TLK1: variants seen among roughly 807,000 people sequenced by gnomAD.
TLK1 encodes the protein tousled like kinase 1.
In TLK1, 24 loss-of-function variants were observed where a neutral mutation model predicts 105.3. The ratio of observed to expected loss-of-function variants is 0.23; its 90% CI spans 0.17 to 0.32. TLK1 has a LOEUF of 0.32. Among genes scored for constraint, TLK1 ranks in the 10% least tolerant of loss-of-function variants. TLK1 has a pLI of 1.00. For synonymous variants in TLK1, 321 were observed against 310.4 expected, an observed-to-expected ratio of 1.03 and a Z score of -0.36; for missense variants, 558 against 910.5, an observed-to-expected ratio of 0.61 and a Z score of 4.98.
At chr2:171,198,401 T>C (rs191242589) in intron 1 of TLK1, among the ~76,000 whole-genome samples, 3 of 152,286 alleles carry the variant, frequency 2.0e-5, no homozygotes, top group East Asian at 3.9e-4. Context: ...TATATCTCAA[T>C]TGGAAAAATA....
intron 2 of TLK1, among the ~76,000 whole-genome samples, chr2:171,105,150 A>G (rs1689863831): frequency 6.6e-6 from 1 of 152,226 alleles, no homozygotes; most frequent in East Asian, 1.9e-4. Flanking sequence ...AAAAACAGAC[A>G]AACTATTATC....
At chr2:171,036,660 G>A (rs1686356078) in intron 11 of TLK1, among the ~76,000 whole-genome samples, 1 of 152,222 alleles carries the variant, frequency 6.6e-6, no homozygotes, top group Non-Finnish European at 1.5e-5. Context: ...CCATCGTACT[G>A]TGGGAGGAGG....
chr2:171,156,360 T>C (rs1282972498), intron 1 of TLK1, among the ~76,000 whole-genome samples: 1 of 152,240 alleles, frequency 6.6e-6, no homozygotes, highest in Non-Finnish European at 1.5e-5. Context: ...AAATTCTATT[T>C]ACAACACAGT....
In TLK1 at chr2:171,043,297, A is replaced by G. The variant is rs1024815406; in HGVS notation, c.1169+2877T>C. Among the ~76,000 whole-genome samples the G allele has an allele frequency of 2.6e-5, 4 of 152,188 alleles. No individual in the cohort carries two copies. In the East Asian group the frequency reaches 5.8e-4, roughly 22 times the overall value. The stretch of plus-strand genomic sequence containing the variant: ...AGGAGGAAGCGATAACTACCGTGGG[A>G]CTTAACAGATTAACAGAAATTAAGA... On this transcript the variant is annotated intron_variant, in intron 11 of 20. Coordinates refer to ENST00000431350, the MANE Select transcript of TLK1 (RefSeq NM_012290.5).
intron 1 of TLK1, among the ~76,000 whole-genome samples, chr2:171,229,443 TCCAAC>T (rs1693953450): frequency 6.6e-6 from 1 of 152,198 alleles, no homozygotes; most frequent in Non-Finnish European, 1.5e-5. Flanking sequence ...CCTCAGAGAA[TCCAAC>T]TGTTGCCATT....
chr2:171,067,201 C>A (rs1040833262), intron 3 of TLK1, among the ~76,000 whole-genome samples: 1 of 151,128 alleles, frequency 6.6e-6, no homozygotes, highest in Non-Finnish European at 1.5e-5. Flanking sequence ...ACACTGTCAC[C>A]CAGGCTGGAG....
upstream of TLK1, among the ~76,000 whole-genome samples, chr2:171,164,631 G>C (rs554249612): frequency 6.6e-6 from 1 of 152,202 alleles, no homozygotes; most frequent in Non-Finnish European, 1.5e-5. Context: ...TTTATATTCA[G>C]AAAAAGTTCA....
At chr2:171,033,826 C>T (rs1340945381) in intron 11 of TLK1, among the ~76,000 whole-genome samples, 1 of 147,410 alleles carries the variant, frequency 6.8e-6, no homozygotes, top group Admixed American at 6.7e-5. Flanking sequence ...AAGTAAAAGA[C>T]AACTTACAGA....
intron 11 of TLK1, among the ~76,000 whole-genome samples, chr2:171,042,393 T>C (rs990714331): frequency 6.6e-6 from 1 of 152,030 alleles, no homozygotes; most frequent in African/African-American, 2.4e-5. Flanking sequence ...TACAGGGACA[T>C]GCCACCACAC....
At chr2:171,148,148 C>G (rs1461096069) in intron 1 of TLK1, among the ~76,000 whole-genome samples, 1 of 152,160 alleles carries the variant, frequency 6.6e-6, no homozygotes, top group Non-Finnish European at 1.5e-5. Context: ...CCTCGGCCTC[C>G]CCAAGTGCTG....
chr2:171,005,801 T>C (rs1185183177), intron 18 of TLK1, among the ~76,000 whole-genome samples: 1 of 152,176 alleles, frequency 6.6e-6, no homozygotes, highest in Non-Finnish European at 1.5e-5. Context: ...ATAGTTAAAA[T>C]ATTATATTAA....
At chr2:171,157,022 T>C (rs934294150) in intron 1 of TLK1, among the ~76,000 whole-genome samples, 5 of 152,156 alleles carry the variant, frequency 3.3e-5, no homozygotes, top group Admixed American at 2.6e-4. Context: ...TCCAGGCTGG[T>C]CTTGAACTCC....
chr2:171,188,381 C>A (rs958845327), intron 1 of TLK1, among the ~76,000 whole-genome samples: 1 of 151,788 alleles, frequency 6.6e-6, no homozygotes, highest in Non-Finnish European at 1.5e-5. Flanking sequence ...ACCAGCCTGG[C>A]CAACATGGTG....
In TLK1 at chr2:171,149,243, CAGA is replaced by C. The variant is rs765701713; in HGVS notation, c.139+11044_139+11046del. ...AGGGGCGGGCAGGGAGAAGCAGCAG[CAGA>C]AGAAGAAGAAAAGAAATTAAATAAT... On this transcript the variant is annotated intron_variant, in intron 1 of 20. Coordinates refer to ENST00000431350, the MANE Select transcript of TLK1 (RefSeq NM_012290.5). Among the ~76,000 whole-genome samples, 20 of 150,804 alleles carry C rather than the reference CAGA, an allele frequency of 1.3e-4. No homozygotes were observed. In the South Asian group the frequency reaches 1.5e-3, roughly 11 times the overall value.
At chr2:171,039,509 C>T (rs1401454379) in intron 11 of TLK1, among the ~76,000 whole-genome samples, 3 of 152,172 alleles carry the variant, frequency 2.0e-5, no homozygotes, top group East Asian at 1.9e-4. Flanking sequence ...CCACCCACCT[C>T]GGCCTCCTAA....
chr2:171,006,343 C>G, intron 17 of TLK1, 61 bp from the exon 18 acceptor site: 1 of 1,493,698 alleles, frequency 6.7e-7, no homozygotes, highest in South Asian at 1.4e-5. Flanking sequence ...ACTTTAATAA[C>G]TTTTAATTTT....
At chr2:171,121,949 T>C (rs558203075) in intron 1 of TLK1, among the ~76,000 whole-genome samples, 1 of 152,242 alleles carries the variant, frequency 6.6e-6, no homozygotes, top group Non-Finnish European at 1.5e-5. Flanking sequence ...TAATTACTTT[T>C]TGTTTGTTTG....
chr2:171,049,916 C>G lies in TLK1; in HGVS notation c.878G>C (p.Ser293Thr). 1 of 1,613,756 alleles carries G rather than the reference C, an allele frequency of 6.2e-7. No individual in the cohort carries two copies. Among genetic ancestry groups the G allele is most frequent in the Non-Finnish European group, 8.5e-7 (1 of 1,179,920 alleles). Residue 293 changes from serine to threonine, a missense_variant, in exon 10 of 21, where the codon AGT (serine) becomes ACT (threonine). By Grantham distance (58) the Ser-to-Thr change is moderately conservative (BLOSUM62 1). Around this residue, in one of 5 missense-constraint regions of TLK1, gnomAD observed 196 missense variants for 239.3 expected, o/e 0.82. Transcript: ENST00000431350. ...TQEKLSSREKSMQDRLRLGHF... is the reference protein window; with the variant it reads ...TQEKLSSREKTMQDRLRLGHF... ...CCCGAGGCGTAATCGATCTTGCATACTCTTCTCTCTGCTTGACAGCTTTTC... is the reference window on the plus strand; with the variant it reads ...CCCGAGGCGTAATCGATCTTGCATAGTCTTCTCTCTGCTTGACAGCTTTTC...
rs1575538945 is a variant in TLK1 at position 171,037,486 on chromosome 2, T to C, written c.1169+8688A>G. Among the ~76,000 whole-genome samples the C allele has an allele frequency of 2.0e-5, 3 of 149,266 alleles. No homozygotes were observed. In the South Asian group the frequency reaches 6.4e-4, roughly 32 times the overall value. ...GGCATGATGACCCAAGAGTACAGCA[T>C]GGAGATACTCAAGCAAAAGTAAAAA... On this transcript the variant is annotated intron_variant, in intron 11 of 20. Coordinates refer to ENST00000431350, the MANE Select transcript of TLK1 (RefSeq NM_012290.5).
Sources: allele counts gnomAD v4.1 joint callset (sites outside exome capture counted in the v4.1 genomes callset), GRCh38; gene constraint gnomAD v4.1.1; regional missense constraint gnomAD v4.1.1; transcripts MANE v1.5; gene names NCBI Gene and HGNC (gene_info 2026-07-23, HGNC 2026-07-21).